Variants in OTUD7A observed in about 807,000 individuals in gnomAD.
OTUD7A encodes OTU domain-containing protein 7A.
OTUD7A carries 12 observed loss-of-function variants against 65.7 expected under a neutral mutation model. That is an observed-to-expected ratio of 0.18 (90% CI 0.12 to 0.30). The LOEUF is 0.30. Ranked by LOEUF, OTUD7A falls within the 10% of genes least tolerant of loss-of-function variation. The pLI, the probability that OTUD7A is intolerant of heterozygous loss-of-function variation, is 1.00. For synonymous variants in OTUD7A, 641 were observed against 586.3 expected (o/e 1.09, Z -1.35); for missense variants, 1,148 against 1,304.8 (o/e 0.88, Z 1.85).
intron 1 of OTUD7A, among the ~76,000 whole-genome samples, chr15:31,725,608 A>G (rs1238949877): frequency 1.3e-5 from 2 of 152,174 alleles, no homozygotes; most frequent in Admixed American, 6.5e-5. Flanking sequence ...AAAACTGTTC[A>G]CTAATATCCA....
chr15:31,852,688 T>A (rs1897461156), intron 1 of OTUD7A, among the ~76,000 whole-genome samples: 1 of 152,244 alleles, frequency 6.6e-6, no homozygotes, highest in Non-Finnish European at 1.5e-5. Flanking sequence ...TGGGCTCATC[T>A]GTGAAGTGGG....
intron 6 of OTUD7A, among the ~76,000 whole-genome samples, chr15:31,527,883 GAT>G (rs2042035592): frequency 1.3e-5 from 2 of 152,232 alleles, no homozygotes; most frequent in African/African-American, 2.4e-5. Context: ...GTGCTGAGAG[GAT>G]ATAGAGAGAA....
intron 1 of OTUD7A, among the ~76,000 whole-genome samples, chr15:31,769,209 G>T (rs1260291902): frequency 3.9e-5 from 6 of 152,154 alleles, no homozygotes; most frequent in African/African-American, 1.4e-4. Flanking sequence ...AGCTACAGTA[G>T]TTCTATTAAC....
intron 1 of OTUD7A, among the ~76,000 whole-genome samples, chr15:31,820,176 T>C (rs1896644228): frequency 6.6e-6 from 1 of 152,206 alleles, no homozygotes; most frequent in Admixed American, 6.5e-5. Flanking sequence ...GTAAATTATC[T>C]TGCAAGCAGG....
chr15:31,599,205 T>C (rs1224191117), intron 3 of OTUD7A, among the ~76,000 whole-genome samples: 1 of 152,226 alleles, frequency 6.6e-6, no homozygotes, highest in Non-Finnish European at 1.5e-5. Flanking sequence ...CTGTGTATCC[T>C]GACTGGGAGA....
intron 1 of OTUD7A, among the ~76,000 whole-genome samples, chr15:31,716,375 T>A (rs1325423302): frequency 9.4e-6 from 1 of 106,010 alleles, no homozygotes; most frequent in Non-Finnish European, 2.1e-5. Flanking sequence ...ATTTCAATAA[T>A]GGAATTTGTA....
intron 1 of OTUD7A, among the ~76,000 whole-genome samples, chr15:31,659,794 C>T (rs1393513722): frequency 1.3e-5 from 2 of 152,216 alleles, no homozygotes; most frequent in Non-Finnish European, 2.9e-5. Context: ...GGAGCTCGCT[C>T]TCATCAGGTC....
At position 31,481,252 on chromosome 15, in the gene OTUD7A, T is replaced by C. The variant is rs192825446; in HGVS notation, c.*2042A>G. The C allele has an allele frequency of 1.3e-5, 2 of 152,200 alleles. No homozygotes were observed. The highest frequency in any genetic ancestry group is 2.4e-5 in the African/African-American group (1 of 41,438). 9.4% of individuals were successfully genotyped at this position (152,200 alleles called of 1,614,324 possible). A position where few individuals can be genotyped will look rare whatever the true frequency, so the allele number is the denominator to read the frequency against. ...ATGAGTTTGGTTTCTGAATGGATTATTGGAGCATTTTTAAGGTTGGGTGTC... is the reference window on the plus strand; with the variant it reads ...ATGAGTTTGGTTTCTGAATGGATTACTGGAGCATTTTTAAGGTTGGGTGTC... On this transcript the variant is annotated 3_prime_UTR_variant, in exon 13 of 13. Coordinates refer to ENST00000307050, the MANE Select transcript of OTUD7A (RefSeq NM_001382637.1).
chr15:31,815,382 C>T (rs965897513), intron 1 of OTUD7A, among the ~76,000 whole-genome samples: 2 of 152,208 alleles, frequency 1.3e-5, no homozygotes, highest in Non-Finnish European at 2.9e-5. Context: ...AGTGACCATT[C>T]GCATCTGTTC....
At chr15:31,760,416 A>G (rs1894929964) in intron 1 of OTUD7A, among the ~76,000 whole-genome samples, 1 of 152,220 alleles carries the variant, frequency 6.6e-6, no homozygotes, top group Non-Finnish European at 1.5e-5. Context: ...CAATCTTTGA[A>G]GATTTATCTA....
At chr15:31,571,322 A>T (rs1889047525) in intron 3 of OTUD7A, among the ~76,000 whole-genome samples, 1 of 152,188 alleles carries the variant, frequency 6.6e-6, no homozygotes, top group Admixed American at 6.5e-5. Flanking sequence ...GTTACTGGGA[A>T]CCCCAACAGA....
intron 5 of OTUD7A, among the ~76,000 whole-genome samples, chr15:31,537,153 A>G (rs1445922444): frequency 1.3e-5 from 2 of 152,228 alleles, no homozygotes; most frequent in African/African-American, 4.8e-5. Context: ...CCTCAGGAGT[A>G]TATTTATTTT....
At chr15:31,552,767 A>G (rs1333286286) in intron 5 of OTUD7A, among the ~76,000 whole-genome samples, 1 of 152,218 alleles carries the variant, frequency 6.6e-6, no homozygotes, top group Non-Finnish European at 1.5e-5. Flanking sequence ...TGGTATTTCC[A>G]GGCTTGCCCA....
chr15:31,802,935 G>T (rs191107367), intron 1 of OTUD7A, among the ~76,000 whole-genome samples: 2 of 152,312 alleles, frequency 1.3e-5, no homozygotes, highest in East Asian at 1.9e-4. Context: ...GACGTGGAAG[G>T]AGAGGAATCT....
At chr15:31,688,164 C>T (rs1892881619) in intron 1 of OTUD7A, among the ~76,000 whole-genome samples, 1 of 149,984 alleles carries the variant, frequency 6.7e-6, no homozygotes, top group Non-Finnish European at 1.5e-5. Context: ...TGCAGTGAGC[C>T]GAGATCGTGC....
intron 1 of OTUD7A, among the ~76,000 whole-genome samples, chr15:31,738,022 C>T (rs889550815): frequency 3.3e-5 from 5 of 152,184 alleles, no homozygotes; most frequent in African/African-American, 1.2e-4. Flanking sequence ...GTATTATTAA[C>T]ATTTTTTAGC....
At chr15:31,757,520 A>C (rs1407564223) in intron 1 of OTUD7A, among the ~76,000 whole-genome samples, 3 of 152,148 alleles carry the variant, frequency 2.0e-5, no homozygotes, top group Middle Eastern at 3.4e-3. Context: ...CCCCAGAAAT[A>C]CATAAATACA....
Position 31,865,243 on chromosome 15 carries a change from T to C in OTUD7A, c.-100+5264A>G, listed in dbSNP as rs537763627. ...TGTCAAACAATTTTTGTAAAAGGCA[T>C]GAAAAATTATACATGCAAATGTGTT... On this transcript the variant is annotated intron_variant, in intron 1 of 12. Coordinates refer to ENST00000307050, the MANE Select transcript of OTUD7A (RefSeq NM_001382637.1). 2.6e-5 allele frequency among the ~76,000 whole-genome samples: 4 copies of C among 152,358 alleles called. No homozygotes were observed. In the East Asian group the frequency reaches 7.7e-4, roughly 29 times the overall value.
Position 31,674,951 on chromosome 15 carries a change from A to T in OTUD7A, c.-99-17874T>A, listed in dbSNP as rs867356566. Among the ~76,000 whole-genome samples, 5 of 152,192 alleles carry T rather than the reference A, an allele frequency of 3.3e-5. 1 individual carries two copies. In the South Asian group the frequency reaches 1.0e-3, roughly 32 times the overall value. The stretch of plus-strand genomic sequence containing the variant: ...CACTTGCACCAGCCGTAGACAGTCC[A>T]CCCGTGGACTTCTTATTATACTTCT... On this transcript the variant is annotated intron_variant, in intron 1 of 12. Transcript: ENST00000307050.
Sources: allele counts gnomAD v4.1 joint callset (sites outside exome capture counted in the v4.1 genomes callset), GRCh38; gene constraint gnomAD v4.1.1; transcripts MANE v1.5; gene names NCBI Gene and HGNC (gene_info 2026-07-23, HGNC 2026-07-21).